WNK1: variants seen among roughly 807,000 people sequenced by gnomAD.
WNK1 encodes WNK lysine deficient protein kinase 1.
Under a neutral mutation model 222.8 loss-of-function variants are expected in WNK1, and 38 were observed. That is an observed-to-expected ratio of 0.17 (90% confidence interval 0.13 to 0.22). The LOEUF is 0.22. Among genes scored for constraint, WNK1 ranks in the 10% least tolerant of loss-of-function variants. The pLI is 1.00. For missense variants in WNK1, 2,348 were observed against 2,918.4 expected (o/e 0.80, Z 4.50); for synonymous variants, 1,090 against 1,092.9 (o/e 1.00, Z 0.05).
intron 2 of WNK1, among the ~76,000 whole-genome samples, chr12:817,559 T>G (rs982592867): frequency 2.0e-5 from 3 of 152,152 alleles, no homozygotes; most frequent in African/African-American, 7.2e-5. Context: ...CTTTCGAGTT[T>G]CTACCTTTGT....
chr12:785,728 T>C (rs954144595), intron 1 of WNK1, among the ~76,000 whole-genome samples: 18 of 152,166 alleles, frequency 1.2e-4, no homozygotes, highest in Admixed American at 1.2e-3. Context: ...TTGGTTGTTG[T>C]TATTTGTTAC....
rs55917829 is a variant in WNK1 at position 883,895 on chromosome 12, G to A, written c.3721+64G>A. On this transcript the variant is annotated intron_variant, in intron 17 of 27. Transcript: ENST00000315939. ...AAGAAGCCATTAGCCGAGGGTGGTG[G>A]CAGGCTTCTGTAGTCCCAGCTACTC... 2.2e-3 allele frequency: 3,560 copies of A among 1,587,074 alleles called. 7 individuals carry two copies. Among genetic ancestry groups the A allele is most frequent in the Admixed American group, 4.4e-3 (260 of 59,474 alleles).
chr12:900,183 A>G (rs993945653), intron 25 of WNK1, among the ~76,000 whole-genome samples: 1 of 151,944 alleles, frequency 6.6e-6, no homozygotes, highest in African/African-American at 2.4e-5. Context: ...ACAGGGTTTC[A>G]TCATGTTGGC....
intron 8 of WNK1, chr12:865,421 G>A: frequency 6.7e-7 from 1 of 1,487,472 alleles, no homozygotes; most frequent in South Asian, 1.3e-5. Context: ...ATACATCCAG[G>A]CAACAAGAAT....
At chr12:791,477 G>A (rs781195746) in intron 1 of WNK1, among the ~76,000 whole-genome samples, 1 of 151,676 alleles carries the variant, frequency 6.6e-6, no homozygotes, top group Non-Finnish European at 1.5e-5. Flanking sequence ...CTAAAACGTA[G>A]ATCTTTGCTT....
intron 25 of WNK1, among the ~76,000 whole-genome samples, chr12:899,300 T>TTTTTTGTTTTGTTTTTG (rs71051401): frequency 6.6e-5 from 10 of 151,396 alleles, no homozygotes; most frequent in East Asian, 2.0e-4. Context: ...CAATCAGATC[T>TTTTTTGTTTTGTTTTTG]TTTTTGTTTT....
chr12:815,196 C>T (rs777606018), intron 2 of WNK1, among the ~76,000 whole-genome samples: 13 of 152,094 alleles, frequency 8.5e-5, no homozygotes, highest in South Asian at 2.1e-4. Context: ...GGTTGGGGAC[C>T]CCTGGTATCT....
Position 802,829 on chromosome 12 carries a change from G to A in WNK1, c.760-10813G>A, listed in dbSNP as rs566999576. Among the ~76,000 whole-genome samples the A allele has an allele frequency of 1.7e-4, 26 of 152,264 alleles. 2 individuals are homozygous for A. The South Asian group carries it at 5.4e-3, about 32-fold the overall frequency. ...AAATGAGATAGATATTTTTGAAGCA[G>A]CAACTGATTTTCTTTTTGTCAGACT... On this transcript the variant is annotated intron_variant, in intron 1 of 27. Transcript: ENST00000315939.
chr12:765,505 C>T (rs948253623), intron 1 of WNK1, among the ~76,000 whole-genome samples: 3 of 147,676 alleles, frequency 2.0e-5, no homozygotes, highest in Non-Finnish European at 4.5e-5. Flanking sequence ...CTTGATCATG[C>T]CACTTGCACT....
intron 1 of WNK1, among the ~76,000 whole-genome samples, chr12:793,315 T>C (rs1455593413): frequency 2.0e-5 from 3 of 152,182 alleles, no homozygotes; most frequent in Admixed American, 1.3e-4. Flanking sequence ...TAGAGTTTAC[T>C]GAAGTTGGGT....
rs559631762 is a variant in WNK1 at position 854,293 on chromosome 12, A to G, written c.1312-2868A>G. ...TGAGGCAGGAGGAGTTTGAGGCTGC[A>G]GTAAGCCACAATCCCACCACTGCAC... On this transcript the variant is annotated intron_variant, in intron 4 of 27. Coordinates refer to ENST00000315939, the MANE Select transcript of WNK1 (RefSeq NM_018979.4). 1.8e-3 allele frequency among the ~76,000 whole-genome samples: 271 copies of G among 150,170 alleles called. 1 individual carries two copies. Among genetic ancestry groups the G allele is most frequent in the African/African-American group, 6.2e-3 (253 of 41,126 alleles).
intron 1 of WNK1, 50 bp downstream of exon 1, chr12:754,374 C>T: frequency 6.2e-7 from 1 of 1,610,930 alleles, no homozygotes; most frequent in African/African-American, 1.3e-5. Flanking sequence ...CCAAATTTGG[C>T]TCGGCGAAGC....
intron 1 of WNK1, among the ~76,000 whole-genome samples, chr12:792,212 A>G (rs1284324179): frequency 6.6e-6 from 1 of 152,154 alleles, no homozygotes; most frequent in Non-Finnish European, 1.5e-5. Flanking sequence ...AGGAAGAGCA[A>G]AGGTATAAAG....
chr12:852,743 T>C (rs1234285192), intron 4 of WNK1, among the ~76,000 whole-genome samples: 1 of 152,182 alleles, frequency 6.6e-6, no homozygotes, highest in Non-Finnish European at 1.5e-5. Context: ...AAAAATTACA[T>C]TGAGTTCTCA....
intron 20 of WNK1, among the ~76,000 whole-genome samples, chr12:888,737 GAAAGATGTAT>G (rs1214529158): frequency 3.9e-5 from 6 of 152,138 alleles, no homozygotes; most frequent in Admixed American, 3.9e-4. Context: ...CACCTTCCCA[GAAAGATGTAT>G]AAAACTGAGA....
intron 27 of WNK1, 103 bp downstream of exon 27, chr12:908,137 A>G: frequency 7.2e-7 from 1 of 1,395,352 alleles, no homozygotes; most frequent in South Asian, 1.2e-5. Flanking sequence ...GACCTTCTTC[A>G]ATTTTAATAC....
intron 1 of WNK1, among the ~76,000 whole-genome samples, chr12:778,660 T>G (rs1267929120): frequency 6.7e-6 from 1 of 150,124 alleles, no homozygotes. Flanking sequence ...TTTTTTAAAG[T>G]CATTCGTAGA....
At chr12:889,593 C>T (rs560901851) in intron 21 of WNK1, among the ~76,000 whole-genome samples, 93 of 152,102 alleles carry the variant, frequency 6.1e-4, no homozygotes, top group African/African-American at 2.0e-3. Context: ...CCGAGGCGGG[C>T]GGATCACAAG....
chr12:836,798 A>G (rs954262349), intron 4 of WNK1, among the ~76,000 whole-genome samples: 4 of 152,230 alleles, frequency 2.6e-5, no homozygotes, highest in Admixed American at 2.0e-4. Context: ...GTTTGTTTAT[A>G]GAATATTTTG....
Sources: gnomAD v4.1 joint callset for allele counts (sites outside exome capture counted in the v4.1 genomes callset) on GRCh38, gnomAD v4.1.1 for gene constraint, MANE v1.5 for transcripts, NCBI Gene and HGNC (gene_info 2026-07-23, HGNC 2026-07-21) for gene names.